TRPM3: variants seen among roughly 807,000 people sequenced by gnomAD.
The protein encoded by TRPM3 is long transient receptor potential channel 3.
Under a neutral mutation model 181.2 loss-of-function variants are expected in TRPM3, and 77 were observed. The ratio of observed to expected loss-of-function variants is 0.42; its 90% CI spans 0.35 to 0.51. The LOEUF (loss-of-function observed/expected upper bound fraction) is 0.51. TRPM3 is among the 20% of genes least tolerant of loss of function. The pLI is 0.01. For synonymous variants in TRPM3, 745 were observed against 796.4 expected (o/e 0.94, Z 1.09); for missense variants, 1,759 against 2,196.7 (o/e 0.80, Z 3.98).
intron 6 of TRPM3, chr9:70,824,820 G>A (rs749910741): frequency 6.6e-6 from 1 of 152,204 alleles, no homozygotes; most frequent in East Asian, 1.9e-4. Context: ...TGCATTAAAG[G>A]TTTGTATTCT....
At chr9:71,054,736 T>C (rs1328393446) in intron 1 of TRPM3, among the ~76,000 whole-genome samples, 2 of 152,114 alleles carry the variant, frequency 1.3e-5, no homozygotes, top group African/African-American at 2.4e-5. Flanking sequence ...TGGATAAACC[T>C]GAAGGACTGA....
intron 1 of TRPM3, among the ~76,000 whole-genome samples, chr9:71,332,376 G>GCGCGCGCGT (rs2090261288): frequency 1.4e-5 from 2 of 142,248 alleles, no homozygotes; most frequent in African/African-American, 2.6e-5. Flanking sequence ...TTCAATGTTG[G>GCGCGCGCGT]GTGTGTGTGT....
chr9:70,939,175 G>T (rs1309994449), intron 1 of TRPM3, among the ~76,000 whole-genome samples: 4 of 152,000 alleles, frequency 2.6e-5, no homozygotes, highest in African/African-American at 9.7e-5. Flanking sequence ...GCACCAAAAG[G>T]GTATTAAGGA....
chr9:71,316,667 G>A (rs2132437380), intron 1 of TRPM3, among the ~76,000 whole-genome samples: 1 of 152,190 alleles, frequency 6.6e-6, no homozygotes, highest in Non-Finnish European at 1.5e-5. Flanking sequence ...GTAGAGAAAT[G>A]GATCCTCTCC....
rs2184852 is a variant in TRPM3, at chr9:70,939,478, G to A, written c.178-74967C>T. On this transcript the variant is annotated intron_variant, in intron 1 of 25. Transcript: ENST00000677713. ...AGCCTAACTGCTTAGAGCAACATAG[G>A]ATCTGAATAGCAACAGCAAGATTTA... Among the ~76,000 whole-genome samples the A allele has an allele frequency of 3.4e-3, 515 of 152,282 alleles. 4 individuals carry two copies. The highest frequency in any genetic ancestry group is 0.012 in the African/African-American group (491 of 41,568).
At chr9:71,323,811 A>G (rs1361030760) in intron 1 of TRPM3, among the ~76,000 whole-genome samples, 6 of 152,152 alleles carry the variant, frequency 3.9e-5, no homozygotes, top group Non-Finnish European at 2.9e-5. Context: ...AGCCTAGAAG[A>G]GAGAAAGAAA....
At position 71,052,545 on chromosome 9, in the gene TRPM3, G is replaced by A. The variant is rs148628120; in HGVS notation, c.177+68633C>T. 9.4e-3 allele frequency among the ~76,000 whole-genome samples: 1,430 copies of A among 152,250 alleles called. 20 individuals are homozygous for A. The highest frequency in any genetic ancestry group is 0.043 in the South Asian group (209 of 4,814). ...GCATGAGTGCTGCATGTTTCATGAC[G>A]TTTGCTCTATCTACTGAAATCAGAA... On this transcript the variant is annotated intron_variant, in intron 1 of 25. Coordinates refer to ENST00000677713, the MANE Select transcript of TRPM3 (RefSeq NM_001366145.2).
chr9:70,645,920 T>A (rs1175044804), intron 9 of TRPM3, among the ~76,000 whole-genome samples: 1 of 152,082 alleles, frequency 6.6e-6, no homozygotes, highest in African/African-American at 2.4e-5. Flanking sequence ...GGGCAAAGGA[T>A]ATGAAGAGAC....
intron 1 of TRPM3, among the ~76,000 whole-genome samples, chr9:71,085,917 A>T (rs117711438): frequency 0.014 from 2,187 of 152,126 alleles, 42 homozygotes; most frequent in East Asian, 0.078. Context: ...TGCAGCACTA[A>T]TCACAATAGC....
At chr9:70,674,094 A>T (rs1291036957) in intron 9 of TRPM3, among the ~76,000 whole-genome samples, 1 of 152,196 alleles carries the variant, frequency 6.6e-6, no homozygotes, top group African/African-American at 2.4e-5. Context: ...GCAATCATCC[A>T]TGTGGTATAT....
At chr9:71,116,626 C>A (rs1395248592) in intron 1 of TRPM3, among the ~76,000 whole-genome samples, 1 of 152,064 alleles carries the variant, frequency 6.6e-6, no homozygotes, top group Non-Finnish European at 1.5e-5. Context: ...ATAACCCAAC[C>A]TGATCATTGC....
At chr9:71,311,376 T>C (rs1000670230) in intron 1 of TRPM3, among the ~76,000 whole-genome samples, 1 of 152,128 alleles carries the variant, frequency 6.6e-6, no homozygotes, top group Non-Finnish European at 1.5e-5. Context: ...TTAAAAGTAA[T>C]ATCTCTTCAA....
chr9:71,015,198 T>C (rs1206708128), intron 1 of TRPM3, among the ~76,000 whole-genome samples: 1 of 152,226 alleles, frequency 6.6e-6, no homozygotes, highest in Non-Finnish European at 1.5e-5. Flanking sequence ...AAAATTATTG[T>C]ACCTTTAAGA....
At chr9:71,436,947 T>C (rs998895005) in intron 1 of TRPM3, among the ~76,000 whole-genome samples, 3 of 152,212 alleles carry the variant, frequency 2.0e-5, no homozygotes, top group Non-Finnish European at 4.4e-5. Context: ...ACAGAAATAG[T>C]TTGACAATAT....
intron 1 of TRPM3, among the ~76,000 whole-genome samples, chr9:70,913,613 A>ATCT (rs1328129351): frequency 6.6e-6 from 1 of 152,238 alleles, no homozygotes; most frequent in East Asian, 1.9e-4. Context: ...ATGAATAAAT[A>ATCT]TCTTAGTATT....
chr9:70,558,083 AT>A (rs2048171819), intron 22 of TRPM3, among the ~76,000 whole-genome samples: 1 of 152,142 alleles, frequency 6.6e-6, no homozygotes, highest in Non-Finnish European at 1.5e-5. Flanking sequence ...CACCTGATCA[AT>A]CAGCTCAATA....
At chr9:71,008,696 T>A (rs2097705289) in intron 1 of TRPM3, among the ~76,000 whole-genome samples, 2 of 151,932 alleles carry the variant, frequency 1.3e-5, no homozygotes, top group Admixed American at 1.3e-4. Flanking sequence ...TACAAAAAAA[T>A]TAGCTGGGCA....
intron 6 of TRPM3, among the ~76,000 whole-genome samples, chr9:70,812,533 T>A (rs2092218738): frequency 6.6e-6 from 1 of 152,194 alleles, no homozygotes; most frequent in Non-Finnish European, 1.5e-5. Context: ...TCCTAATTAA[T>A]GTGTTTCTGA....
chr9:71,279,922 T>C (rs530140809), intron 1 of TRPM3, among the ~76,000 whole-genome samples: 2 of 151,830 alleles, frequency 1.3e-5, no homozygotes, highest in South Asian at 4.2e-4. Context: ...TACTAAAAAA[T>C]ACAAAAATTA....
Sources: gnomAD v4.1 joint callset for allele counts (sites outside exome capture counted in the v4.1 genomes callset) on GRCh38, gnomAD v4.1.1 for gene constraint, MANE v1.5 for transcripts, NCBI Gene and HGNC (gene_info 2026-07-23, HGNC 2026-07-21) for gene names.